YWHAE: variants seen among roughly 807,000 people sequenced by gnomAD.
YWHAE encodes tyrosine 3-monooxygenase/tryptophan 5-monooxygenase activation protein epsilon.
In YWHAE, 4 loss-of-function variants were observed where a neutral mutation model predicts 30.1. That is an observed-to-expected ratio of 0.13 (90% CI 0.07 to 0.30). The LOEUF (loss-of-function observed/expected upper bound fraction) is 0.30. YWHAE is among the 10% of genes least tolerant of loss of function. YWHAE has a pLI of 1.00. For synonymous variants in YWHAE, 118 were observed against 111.8 expected, an observed-to-expected ratio of 1.06 and a Z score of -0.35; for missense variants, 121 against 315.9, an observed-to-expected ratio of 0.38 and a Z score of 4.68.
intron 1 of YWHAE, among the ~76,000 whole-genome samples, chr17:1,373,344 TCA>T (rs1333288049): frequency 6.6e-6 from 1 of 151,868 alleles, no homozygotes; most frequent in African/African-American, 2.4e-5. Flanking sequence ...AGATTACTGA[TCA>T]CAGATAACCA....
chr17:1,381,063 T>C (rs2073198602), intron 1 of YWHAE, among the ~76,000 whole-genome samples: 1 of 152,200 alleles, frequency 6.6e-6, no homozygotes, highest in African/African-American at 2.4e-5. Flanking sequence ...TTGTTCCCCA[T>C]ACATGCTAAA....
intron 4 of YWHAE, among the ~76,000 whole-genome samples, chr17:1,359,662 G>A (rs1391461295): frequency 6.6e-6 from 1 of 151,712 alleles, no homozygotes; most frequent in East Asian, 1.9e-4. Context: ...TAGTGACAAC[G>A]TAAAATAAAA....
At position 1,362,174 on chromosome 17, in the gene YWHAE, C is replaced by A. The variant is rs908534990; in HGVS notation, c.265-166G>T. ...TTGACACAAAAGCAGAGAAAAGCTG[C>A]CTCTAGGTTATAAAAAGTATCTTTT... On this transcript the variant is annotated intron_variant, in intron 2 of 5. Transcript: ENST00000264335. Among the ~76,000 whole-genome samples the A allele has an allele frequency of 2.6e-5, 4 of 152,134 alleles. No homozygotes were observed. The South Asian group carries it at 8.3e-4, about 32-fold the overall frequency.
rs377295784 is a variant in YWHAE at position 1,362,763 on chromosome 17, TTC to T, written c.265-757_265-756del. 7.0e-4 allele frequency among the ~76,000 whole-genome samples: 106 copies of T among 151,922 alleles called. 1 individual carries two copies. The highest frequency in any genetic ancestry group is 2.2e-3 in the African/African-American group (93 of 41,420). On this transcript the variant is annotated intron_variant, in intron 2 of 5. Coordinates refer to ENST00000264335, the MANE Select transcript of YWHAE (RefSeq NM_006761.5). ...GGAACCTCCGTTTCACTGCAGAAAA[TTC>T]TCTCTTTTTCTTCTATAATCACATC...
intron 1 of YWHAE, among the ~76,000 whole-genome samples, chr17:1,369,915 A>C (rs1414660374): frequency 2.0e-5 from 3 of 152,142 alleles, no homozygotes; most frequent in Non-Finnish European, 2.9e-5. Flanking sequence ...TGCTCATCTG[A>C]GCCTTCAGCA....
chr17:1,366,410 C>T (rs368454524), intron 1 of YWHAE, among the ~76,000 whole-genome samples: 2 of 151,234 alleles, frequency 1.3e-5, no homozygotes, highest in South Asian at 2.1e-4. Context: ...TGGTGGTGCG[C>T]GCCTGTAATT....
chr17:1,348,348 C>CCA (rs1044385675), intron 5 of YWHAE, among the ~76,000 whole-genome samples: 5 of 152,174 alleles, frequency 3.3e-5, no homozygotes, highest in Admixed American at 2.6e-4. Flanking sequence ...AATCCTCTTA[C>CCA]CACAGGGTGA....
chr17:1,388,137 T>G (rs1399486539), intron 1 of YWHAE, among the ~76,000 whole-genome samples: 27 of 122,604 alleles, frequency 2.2e-4, no homozygotes, highest in Non-Finnish European at 5.0e-5. Flanking sequence ...TTTTTTTTTT[T>G]TTTTTAGTAG....
At chr17:1,372,458 G>A (rs2073057342) in intron 1 of YWHAE, among the ~76,000 whole-genome samples, 1 of 152,194 alleles carries the variant, frequency 6.6e-6, no homozygotes, top group Non-Finnish European at 1.5e-5. Flanking sequence ...TGGTGCAAGA[G>A]GCCCAGCTTT....
intron 5 of YWHAE, among the ~76,000 whole-genome samples, chr17:1,348,290 C>G (rs911107687): frequency 6.6e-6 from 1 of 152,148 alleles, no homozygotes; most frequent in Non-Finnish European, 1.5e-5. Flanking sequence ...GAGAGGGGAA[C>G]AGGCAGGGAG....
intron 5 of YWHAE, among the ~76,000 whole-genome samples, chr17:1,349,002 G>C (rs2072572681): frequency 6.6e-6 from 1 of 151,356 alleles, no homozygotes; most frequent in Admixed American, 6.6e-5. Flanking sequence ...CTCCAGCCTG[G>C]GTGACAAAGC....
Position 1,385,468 on chromosome 17 carries a change from T to C in YWHAE, c.64+14579A>G, listed in dbSNP as rs923270508. ...GTTCCCAGAGCTTCTTATCCAGCCATTTATAAAGCTCTAGTCCCAAATATC... is the reference window on the plus strand; with the variant it reads ...GTTCCCAGAGCTTCTTATCCAGCCACTTATAAAGCTCTAGTCCCAAATATC... On this transcript the variant is annotated intron_variant, in intron 1 of 5. Transcript: ENST00000264335. Among the ~76,000 whole-genome samples, 5 of 152,160 alleles carry C rather than the reference T, an allele frequency of 3.3e-5. No homozygotes were observed. The East Asian group carries it at 5.8e-4, about 18-fold the overall frequency.
At chr17:1,361,410 G>A (rs1417639046) in intron 3 of YWHAE, 112 bp from the exon 4 acceptor site, 5 of 798,820 alleles carry the variant, frequency 6.3e-6, no homozygotes, top group Non-Finnish European at 9.4e-6. Context: ...AAAAATATAT[G>A]TAACAATTAG....
chr17:1,348,745 CG>C (rs2072566718), intron 5 of YWHAE, among the ~76,000 whole-genome samples: 2 of 152,154 alleles, frequency 1.3e-5, no homozygotes, highest in African/African-American at 4.8e-5. Context: ...AAATGTAGGC[CG>C]GGAACAGTGG....
At chr17:1,364,591 C>A (rs2072916053) in intron 2 of YWHAE, among the ~76,000 whole-genome samples, 1 of 152,124 alleles carries the variant, frequency 6.6e-6, no homozygotes, top group Non-Finnish European at 1.5e-5. Context: ...TCCCCCTTAT[C>A]CAAGAGGGAT....
At chr17:1,373,391 G>A (rs189534995) in intron 1 of YWHAE, among the ~76,000 whole-genome samples, 21 of 152,072 alleles carry the variant, frequency 1.4e-4, no homozygotes, top group African/African-American at 3.6e-4. Flanking sequence ...GAGGCCGGGC[G>A]AGGTGGACTC....
intron 5 of YWHAE, among the ~76,000 whole-genome samples, chr17:1,347,754 C>T (rs2072550959): frequency 6.6e-6 from 1 of 152,118 alleles, no homozygotes; most frequent in African/African-American, 2.4e-5. Flanking sequence ...GCCAGAAGTT[C>T]CAAGTAACTT....
At chr17:1,384,775 G>A (rs566427659) in intron 1 of YWHAE, among the ~76,000 whole-genome samples, 3 of 152,022 alleles carry the variant, frequency 2.0e-5, no homozygotes, top group East Asian at 2.0e-4. Context: ...GCGCTATCTC[G>A]GCTCACTGCA....
intron 2 of YWHAE, among the ~76,000 whole-genome samples, chr17:1,364,478 A>G (rs373520566): frequency 2.0e-5 from 3 of 152,046 alleles, no homozygotes; most frequent in Non-Finnish European, 4.4e-5. Flanking sequence ...CGCCCACCTC[A>G]GCCTCCCAAA....
Sources: gnomAD v4.1 joint callset for allele counts (sites outside exome capture counted in the v4.1 genomes callset) on GRCh38, gnomAD v4.1.1 for gene constraint, MANE v1.5 for transcripts, NCBI Gene and HGNC (gene_info 2026-07-23, HGNC 2026-07-21) for gene names.